The following ARHGAP32 variants were observed in gnomAD, a reference collection of about 807,000 sequenced individuals.
ARHGAP32 encodes the protein rho GTPase-activating protein 32.
In ARHGAP32, 51 loss-of-function variants were observed where a neutral mutation model predicts 186.5. That is an observed-to-expected ratio of 0.27 (90% CI 0.22 to 0.35). The LOEUF is 0.35. Ranked by LOEUF, ARHGAP32 falls within the 10% of genes least tolerant of loss-of-function variation. The pLI is 1.00. For synonymous variants in ARHGAP32, 950 were observed against 964.3 expected, an observed-to-expected ratio of 0.99 and a Z score of 0.27; for missense variants, 2,186 against 2,623.5, an observed-to-expected ratio of 0.83 and a Z score of 3.64.
At chr11:129,165,562 T>C (rs922550486) in intron 1 of ARHGAP32, among the ~76,000 whole-genome samples, 1 of 146,738 alleles carries the variant, frequency 6.8e-6, no homozygotes, top group Admixed American at 7.0e-5. Context: ...TTATCTAGTA[T>C]CCAGTAAATA....
intron 6 of ARHGAP32, among the ~76,000 whole-genome samples, chr11:129,075,334 T>C (rs1591592111): frequency 6.6e-6 from 1 of 152,102 alleles, no homozygotes; most frequent in Non-Finnish European, 1.5e-5. Context: ...AAAGCAAAAA[T>C]AGCTATATTT....
chr11:128,969,810 G>A lies in ARHGAP32; in HGVS notation c.5403C>T (p.Ile1801=), dbSNP rs1172427610. 1 of 1,614,168 alleles carries A rather than the reference G, an allele frequency of 6.2e-7. No homozygotes were observed. The highest frequency in any genetic ancestry group is 8.5e-7 in the Non-Finnish European group (1 of 1,180,036). The change falls in exon 23 of 23, where the codon ATC becomes ATT. Residue 1801 remains isoleucine, a synonymous_variant. Transcript: ENST00000682385. The surrounding 1 kb of genome is among the most constrained non-coding windows in gnomAD (Gnocchi z 4.8). ...ATTTACTACGCAGATGGATGACATAGATCCCACCCAAGTCGTCCTGCACCG... is the reference window on the plus strand; with the variant it reads ...ATTTACTACGCAGATGGATGACATAAATCCCACCCAAGTCGTCCTGCACCG... ...TPAVQDDLGG[I]YVIHLRSKSD...
At chr11:129,026,661 C>T (rs1455990523) in intron 11 of ARHGAP32, among the ~76,000 whole-genome samples, 1 of 151,780 alleles carries the variant, frequency 6.6e-6, no homozygotes, top group Non-Finnish European at 1.5e-5. Flanking sequence ...GGCATGGTGG[C>T]GCATGCCTGT....
At chr11:129,081,328 C>G (rs992552165) in intron 6 of ARHGAP32, among the ~76,000 whole-genome samples, 2 of 151,872 alleles carry the variant, frequency 1.3e-5, no homozygotes, top group South Asian at 2.1e-4. Context: ...AACTACAGAC[C>G]AATATCCCTG....
At chr11:129,124,726 A>G in intron 3 of ARHGAP32, 77 bp downstream of exon 3, 1 of 1,156,554 alleles carries the variant, frequency 8.6e-7, no homozygotes, top group Non-Finnish European at 1.2e-6. Context: ...AAGTCTAAAT[A>G]AAAGTTTTAA....
chr11:129,000,509 G>C (rs1042329542), intron 11 of ARHGAP32, among the ~76,000 whole-genome samples: 5 of 152,064 alleles, frequency 3.3e-5, no homozygotes, highest in Non-Finnish European at 7.4e-5. Flanking sequence ...GTACACAGTA[G>C]GTATATATAT....
intron 1 of ARHGAP32, chr11:129,203,020 C>T (rs2439801): frequency 5.3e-5 from 8 of 152,030 alleles, no homozygotes; most frequent in African/African-American, 1.9e-4. Flanking sequence ...AGATTAGCAC[C>T]GCCCCTGCGC....
At chr11:129,183,887 T>C (rs1313172645) in intron 1 of ARHGAP32, among the ~76,000 whole-genome samples, 1 of 152,060 alleles carries the variant, frequency 6.6e-6, no homozygotes, top group East Asian at 1.9e-4. Flanking sequence ...AGACTGCATA[T>C]ATGTGAGGAA....
intron 9 of ARHGAP32, among the ~76,000 whole-genome samples, chr11:129,063,653 T>C (rs1010044556): frequency 2.6e-5 from 4 of 151,998 alleles, no homozygotes; most frequent in Admixed American, 1.3e-4. Context: ...TGTATTTGCA[T>C]GGAGTGAGGG....
At chr11:129,035,174 C>T (rs1939279753) in intron 11 of ARHGAP32, among the ~76,000 whole-genome samples, 1 of 92,782 alleles carries the variant, frequency 1.1e-5, no homozygotes, top group African/African-American at 4.0e-5. Flanking sequence ...GTTTCCTCTC[C>T]TCTCTCTCTC....
chr11:129,230,533 AT>A (rs1944844234), intron 1 of ARHGAP32, among the ~76,000 whole-genome samples: 1 of 48,496 alleles, frequency 2.1e-5, no homozygotes, highest in African/African-American at 8.8e-5. Flanking sequence ...TGGTTATAAA[AT>A]ATCTCACAAT....
At chr11:129,193,899 T>C (rs1433958483), upstream of ARHGAP32, among the ~76,000 whole-genome samples, 1 of 149,312 alleles carries the variant, frequency 6.7e-6, no homozygotes, top group Non-Finnish European at 1.5e-5. Flanking sequence ...TTATTTAATA[T>C]ATAAAAAGTT....
chr11:129,146,613 T>C (rs1442977944), intron 2 of ARHGAP32, among the ~76,000 whole-genome samples: 4 of 152,086 alleles, frequency 2.6e-5, no homozygotes, highest in African/African-American at 9.6e-5. Flanking sequence ...TTAGATTTCT[T>C]GAAATACTGA....
chr11:128,980,455 G>C, intron 18 of ARHGAP32, 98 bp downstream of exon 18: 1 of 939,848 alleles, frequency 1.1e-6, no homozygotes, highest in South Asian at 1.9e-5. Context: ...GAATTCAATA[G>C]AGTAATACTA....
chr11:129,127,538 C>A (rs1040425545), intron 2 of ARHGAP32, among the ~76,000 whole-genome samples: 7 of 134,388 alleles, frequency 5.2e-5, no homozygotes, highest in African/African-American at 2.0e-4. Flanking sequence ...AAGGTTTTGT[C>A]ATTTACTCTT....
chr11:129,231,034 C>G (rs1944852303), intron 1 of ARHGAP32, among the ~76,000 whole-genome samples: 1 of 152,136 alleles, frequency 6.6e-6, no homozygotes, highest in African/African-American at 2.4e-5. Context: ...ACTCGGGAGG[C>G]TGAGCAGGAG....
chr11:129,145,159 G>T (rs1004421040), intron 2 of ARHGAP32, among the ~76,000 whole-genome samples: 3 of 151,908 alleles, frequency 2.0e-5, no homozygotes, highest in African/African-American at 7.3e-5. Flanking sequence ...TTATACAAAG[G>T]TTCCTATGAA....
At chr11:129,045,258 A>G (rs911528775) in intron 10 of ARHGAP32, among the ~76,000 whole-genome samples, 3 of 152,338 alleles carry the variant, frequency 2.0e-5, no homozygotes, top group Non-Finnish European at 4.4e-5. Flanking sequence ...CACAGGTGTC[A>G]TGACTAGATC....
intron 2 of ARHGAP32, among the ~76,000 whole-genome samples, chr11:129,142,718 A>C (rs1943081833): frequency 8.1e-6 from 1 of 123,760 alleles, no homozygotes; most frequent in South Asian, 3.2e-4. Flanking sequence ...TTTTTCTTAA[A>C]GGAAAAAAAA....
Sources: gnomAD v4.1 joint callset for allele counts (sites outside exome capture counted in the v4.1 genomes callset) on GRCh38, gnomAD v4.1.1 for gene constraint, Gnocchi (gnomAD v3.1) non-coding constraint, MANE v1.5 for transcripts, NCBI Gene and HGNC (gene_info 2026-07-23, HGNC 2026-07-21) for gene names.